Variants in POU6F2 observed in about 807,000 individuals in gnomAD.
POU6F2 encodes the protein POU domain, class 6, transcription factor 2.
Under a neutral mutation model 71.3 loss-of-function variants are expected in POU6F2, and 31 were observed. That is an observed-to-expected ratio of 0.43 (90% confidence interval 0.33 to 0.59). The LOEUF is 0.59. POU6F2 is among the 20% of genes least tolerant of loss of function. POU6F2 has a pLI of 0.04. For synonymous variants in POU6F2, 347 were observed against 355.7 expected (o/e 0.98, Z 0.27); for missense variants, 783 against 856.8 (o/e 0.91, Z 1.07).
chr7:39,020,030 G>A (rs540344138), intron 1 of POU6F2, among the ~76,000 whole-genome samples: 16 of 152,134 alleles, frequency 1.1e-4, no homozygotes, highest in African/African-American at 3.6e-4. Flanking sequence ...GATTTCCTTC[G>A]CAGCTTGCAT....
At chr7:39,146,118 T>A (rs549551447) in intron 2 of POU6F2, among the ~76,000 whole-genome samples, 13 of 152,280 alleles carry the variant, frequency 8.5e-5, no homozygotes, top group African/African-American at 2.2e-4. Flanking sequence ...TGCTAAATGT[T>A]ATGGGAGGAA....
intron 4 of POU6F2, among the ~76,000 whole-genome samples, chr7:39,259,897 C>T (rs532108689): frequency 1.2e-4 from 18 of 151,968 alleles, no homozygotes; most frequent in South Asian, 4.2e-4. Flanking sequence ...CTGCAGCCTC[C>T]GGCCTGTGGG....
intron 4 of POU6F2, among the ~76,000 whole-genome samples, chr7:39,266,690 C>A (rs12701707): frequency 0.14 from 15,858 of 115,650 alleles, 1,042 homozygotes; most frequent in Admixed American, 0.24. Context: ...GCCACCGCAC[C>A]TGGCCTTTTT....
chr7:39,285,125 C>A (rs1351945435), intron 4 of POU6F2, among the ~76,000 whole-genome samples: 1 of 152,186 alleles, frequency 6.6e-6, no homozygotes, highest in Admixed American at 6.5e-5. Flanking sequence ...GATTTTATCC[C>A]CAAGTCTTCA....
At chr7:39,415,347 G>A (rs1318095503) in intron 6 of POU6F2, among the ~76,000 whole-genome samples, 1 of 152,192 alleles carries the variant, frequency 6.6e-6, no homozygotes, top group Non-Finnish European at 1.5e-5. Flanking sequence ...TTATCCATGA[G>A]TATTTCGTTT....
chr7:39,291,372 G>A (rs1332422585), intron 4 of POU6F2, among the ~76,000 whole-genome samples: 2 of 152,110 alleles, frequency 1.3e-5, no homozygotes, highest in Non-Finnish European at 1.5e-5. Context: ...ATAATTATAA[G>A]AGGAAAATTT....
chr7:39,457,531 T>C (rs554291638), intron 8 of POU6F2, among the ~76,000 whole-genome samples: 4 of 152,242 alleles, frequency 2.6e-5, no homozygotes, highest in Non-Finnish European at 5.9e-5. Flanking sequence ...AAGTTTTCTG[T>C]GTAGTGAAGC....
intron 4 of POU6F2, among the ~76,000 whole-genome samples, chr7:39,233,011 C>G (rs1034846189): frequency 2.0e-5 from 3 of 152,148 alleles, no homozygotes; most frequent in Admixed American, 1.3e-4. Context: ...TTATTTAGAT[C>G]ACATTGTAGC....
intron 4 of POU6F2, among the ~76,000 whole-genome samples, chr7:39,326,219 G>C (rs1785500089): frequency 6.6e-6 from 1 of 152,228 alleles, no homozygotes; most frequent in Non-Finnish European, 1.5e-5. Flanking sequence ...CAAGAAGACA[G>C]TGAGGCATAG....
intron 1 of POU6F2, among the ~76,000 whole-genome samples, chr7:39,006,073 T>C (rs1789057779): frequency 1.3e-5 from 2 of 152,150 alleles, no homozygotes; most frequent in South Asian, 4.1e-4. Context: ...TGGGGGGACA[T>C]GATAAGGGGT....
chr7:39,207,388 G>A lies in POU6F2; in HGVS notation c.370-4G>A, dbSNP rs113205706. 133,584 of 1,612,972 alleles carry A rather than the reference G, an allele frequency of 0.083. 6,183 individuals carry two copies. Among genetic ancestry groups the A allele is most frequent in the Non-Finnish European group, 0.096 (113,017 of 1,179,194 alleles). ...GTGAGCTAGCTGTATCTGTTTCCTT[G>A]CAGCCACTTCTGACGGCACAGCAGT... On this transcript the variant is annotated splice_polypyrimidine_tract_variant and splice_region_variant and intron_variant, in intron 3 of 9. Coordinates refer to ENST00000518318, the MANE Select transcript of POU6F2 (RefSeq NM_001370959.1).
intron 6 of POU6F2, among the ~76,000 whole-genome samples, chr7:39,431,962 G>A (rs1011398740): frequency 7.2e-5 from 11 of 152,186 alleles, no homozygotes; most frequent in Non-Finnish European, 1.5e-4. Context: ...ACCGTGTGTG[G>A]AGGCAGAAAA....
intron 2 of POU6F2, among the ~76,000 whole-genome samples, chr7:39,098,127 C>G (rs1194272428): frequency 1.3e-5 from 2 of 152,096 alleles, no homozygotes; most frequent in African/African-American, 2.4e-5. Context: ...ATTATTTCTT[C>G]CTGCCTGTCT....
intron 9 of POU6F2, among the ~76,000 whole-genome samples, chr7:39,462,246 TATAA>T (rs1479858327): frequency 2.0e-5 from 3 of 152,204 alleles, no homozygotes; most frequent in African/African-American, 7.2e-5. Context: ...GAATTTCTAG[TATAA>T]TAGAACATGT....
At chr7:39,425,445 C>CT (rs1351994160) in intron 6 of POU6F2, among the ~76,000 whole-genome samples, 1 of 152,066 alleles carries the variant, frequency 6.6e-6, no homozygotes, top group East Asian at 1.9e-4. Flanking sequence ...CTCTTCTGAC[C>CT]TTTTTTTAGA....
chr7:39,203,988 A>C (rs966133316), intron 2 of POU6F2, among the ~76,000 whole-genome samples: 1 of 152,180 alleles, frequency 6.6e-6, no homozygotes, highest in South Asian at 2.1e-4. Context: ...CTTCCCACAC[A>C]TACAACACAC....
chr7:39,446,820 T>C (rs1788534304), intron 7 of POU6F2, among the ~76,000 whole-genome samples: 1 of 152,238 alleles, frequency 6.6e-6, no homozygotes. Context: ...TTTCTCTTCT[T>C]TCTTGCAGAT....
At chr7:39,188,257 T>A (rs1416098952) in intron 2 of POU6F2, among the ~76,000 whole-genome samples, 2 of 152,172 alleles carry the variant, frequency 1.3e-5, no homozygotes, top group African/African-American at 4.8e-5. Context: ...AGGCAGTGCA[T>A]GTGAAGCAAA....
chr7:39,088,348 T>C (rs1310042885), intron 2 of POU6F2, among the ~76,000 whole-genome samples: 1 of 152,224 alleles, frequency 6.6e-6, no homozygotes, highest in East Asian at 1.9e-4. Context: ...GGACTTGGCC[T>C]TAGCAATTCT....
Sources: gnomAD v4.1 joint callset for allele counts (sites outside exome capture counted in the v4.1 genomes callset) on GRCh38, gnomAD v4.1.1 for gene constraint, MANE v1.5 for transcripts, NCBI Gene and HGNC (gene_info 2026-07-23, HGNC 2026-07-21) for gene names.